The following EPB41L3 variants were observed in gnomAD, a reference collection of about 807,000 sequenced individuals.
The protein encoded by EPB41L3 is band 4.1-like protein 3.
A neutral mutation model predicts 127.1 loss-of-function variants in EPB41L3; 57 were observed. The ratio of observed to expected loss-of-function variants is 0.45; its 90% CI spans 0.36 to 0.56. The LOEUF is 0.56. Ranked by LOEUF, EPB41L3 falls within the 20% of genes least tolerant of loss-of-function variation. The probability of loss-of-function intolerance (pLI) is 0.00; values close to 1 mark genes in which losing one functional copy is unlikely to be tolerated. For synonymous variants in EPB41L3, 572 were observed against 549.5 expected (o/e 1.04, Z -0.57); for missense variants, 1,273 against 1,372.2 (o/e 0.93, Z 1.14).
Position 5,415,936 on chromosome 18 carries a change from A to G in EPB41L3, c.1949T>C (p.Val650Ala), listed in dbSNP as rs757229978. The G allele has an allele frequency of 1.2e-5, 19 of 1,613,990 alleles. No individual in the cohort carries two copies. Among genetic ancestry groups the G allele is most frequent in the Admixed American group, 8.3e-5 (5 of 60,006 alleles). ...GAAGGAGAGAGTGAGAGCGTATGGC[A>G]CTGAGAAGGAGGCAGACAGCAGAAA... is the stretch of plus-strand genomic sequence containing the variant. ...FFFLLSASFSVPYALTLSFPL... is the reference protein window; with the variant it reads ...FFFLLSASFSAPYALTLSFPL... Residue 650 changes from valine (V) to alanine (A), a missense_variant, in exon 13 of 23, where the codon GTG becomes GCG. By Grantham distance (64) the Val-to-Ala change is moderately conservative. Transcript: ENST00000341928.
intron 1 of EPB41L3, among the ~76,000 whole-genome samples, chr18:5,628,356 G>C (rs1457151696): frequency 6.6e-6 from 1 of 152,258 alleles, no homozygotes; most frequent in Non-Finnish European, 1.5e-5. Context: ...TCGCACTTCA[G>C]AGGGAATTAC....
At chr18:5,597,216 G>A (rs938174309) in intron 3 of EPB41L3, among the ~76,000 whole-genome samples, 1 of 152,046 alleles carries the variant, frequency 6.6e-6, no homozygotes, top group Non-Finnish European at 1.5e-5. Flanking sequence ...GTGCCTTTTG[G>A]TTTTTGCTCC....
At chr18:5,424,097 T>G (rs548611243) in intron 10 of EPB41L3, among the ~76,000 whole-genome samples, 165 bp downstream of exon 10, 1 of 152,178 alleles carries the variant, frequency 6.6e-6, no homozygotes, top group Non-Finnish European at 1.5e-5. Context: ...ATCCTTCAAA[T>G]TTAGTCTTTT....
intron 4 of EPB41L3, 67 bp downstream of exon 4, chr18:5,445,073 C>T: frequency 8.6e-7 from 1 of 1,168,806 alleles, no homozygotes; most frequent in Non-Finnish European, 1.3e-6. Context: ...CATTCAGTTT[C>T]AGTTCACTTT....
At chr18:5,399,244 T>C (rs1457755683) in intron 16 of EPB41L3, 9 of 398,970 alleles carry the variant, frequency 2.3e-5, no homozygotes, top group Middle Eastern at 6.2e-4. Context: ...TGCATTTTAA[T>C]AGTGCCAGAT....
At chr18:5,503,035 ATGGT>A (rs1440220416) in intron 1 of EPB41L3, among the ~76,000 whole-genome samples, 3 of 152,206 alleles carry the variant, frequency 2.0e-5, no homozygotes, top group Non-Finnish European at 2.9e-5. Flanking sequence ...TCACCTCTGG[ATGGT>A]TGACTCACTT....
intron 3 of EPB41L3, among the ~76,000 whole-genome samples, chr18:5,607,250 G>A (rs2094668908): frequency 6.6e-6 from 1 of 152,138 alleles, no homozygotes; most frequent in Admixed American, 6.6e-5. Context: ...TAGAAGATGG[G>A]ATAAAGATGT....
chr18:5,619,930 G>A (rs2094841362), intron 1 of EPB41L3, among the ~76,000 whole-genome samples: 1 of 152,142 alleles, frequency 6.6e-6, no homozygotes, highest in African/African-American at 2.4e-5. Flanking sequence ...ATTGTTATTA[G>A]ATCAATGTGA....
intron 3 of EPB41L3, among the ~76,000 whole-genome samples, chr18:5,578,954 C>A (rs2094364065): frequency 6.6e-6 from 1 of 152,156 alleles, no homozygotes; most frequent in Non-Finnish European, 1.5e-5. Context: ...CAGTTACCTT[C>A]AACAGTGCTG....
At chr18:5,500,963 G>A (rs887211697) in intron 1 of EPB41L3, among the ~76,000 whole-genome samples, 4 of 152,202 alleles carry the variant, frequency 2.6e-5, no homozygotes, top group Admixed American at 2.0e-4. Flanking sequence ...CTGTAAGAAC[G>A]TGTGGTGAGA....
Position 5,392,777 on chromosome 18 carries a change from TTG to T in EPB41L3, c.*706_*707del, listed in dbSNP as rs1227278467. The T allele has an allele frequency of 3.9e-5, 6 of 152,502 alleles. No individual in the cohort carries two copies. The highest frequency in any genetic ancestry group is 3.3e-4 in the Admixed American group (5 of 15,304). The allele number at this position is 152,502 out of a possible 1,614,324, so 9.4% of individuals were successfully genotyped here. On this transcript the variant is annotated 3_prime_UTR_variant, in exon 23 of 23. Transcript: ENST00000341928. ...ATAATGACAATTTAAGCTCTCTGGA[TTG>T]AACACAGACCAAAGCAAACAACAAG...
intron 18 of EPB41L3, 62 bp from the exon 19 acceptor site, chr18:5,396,394 C>T (rs2073471602): frequency 1.3e-6 from 2 of 1,596,718 alleles, no homozygotes; most frequent in Non-Finnish European, 8.6e-7. Context: ...TTGTTTTCTT[C>T]CTTTTCCTCT....
chr18:5,404,697 C>G (rs187797982), intron 16 of EPB41L3, among the ~76,000 whole-genome samples: 1 of 152,202 alleles, frequency 6.6e-6, no homozygotes, highest in Non-Finnish European at 1.5e-5. Flanking sequence ...CCTTTAAATT[C>G]TCTAAGTTGT....
chr18:5,510,538 G>C (rs1174083244), intron 1 of EPB41L3, among the ~76,000 whole-genome samples: 1 of 152,192 alleles, frequency 6.6e-6, no homozygotes, highest in African/African-American at 2.4e-5. Flanking sequence ...GAACAAACCA[G>C]TAGTTCAGCA....
At chr18:5,455,121 T>C (rs1363793772) in intron 3 of EPB41L3, among the ~76,000 whole-genome samples, 8 of 152,176 alleles carry the variant, frequency 5.3e-5, no homozygotes, top group Non-Finnish European at 4.4e-5. Context: ...ATTGCCTAAC[T>C]CATGGGAAGC....
chr18:5,536,718 AGGAGACTCGCTTGAACCTG>A (rs1464288906), intron 1 of EPB41L3, among the ~76,000 whole-genome samples: 7 of 151,806 alleles, frequency 4.6e-5, no homozygotes, highest in Non-Finnish European at 1.0e-4. Context: ...AGGCTGAGGC[AGGAGACTCGCTTGAACCTG>A]GGAGGCTCAC....
intron 13 of EPB41L3, among the ~76,000 whole-genome samples, chr18:5,413,874 T>C (rs1164005526): frequency 6.6e-6 from 1 of 152,198 alleles, no homozygotes; most frequent in African/African-American, 2.4e-5. Context: ...CAATCACACG[T>C]TCGCTAGCTT....
At chr18:5,447,930 T>G (rs1056705320) in intron 3 of EPB41L3, among the ~76,000 whole-genome samples, 2 of 151,964 alleles carry the variant, frequency 1.3e-5, no homozygotes, top group African/African-American at 4.8e-5. Context: ...CACTGAAGAT[T>G]TTTTTTTTCT....
chr18:5,605,922 G>C (rs1301728415), intron 3 of EPB41L3, among the ~76,000 whole-genome samples: 1 of 152,152 alleles, frequency 6.6e-6, no homozygotes, highest in African/African-American at 2.4e-5. Context: ...ACGAAGTAAG[G>C]AGTTGGAGGC....
Sources: gnomAD v4.1 joint callset for allele counts (sites outside exome capture counted in the v4.1 genomes callset) on GRCh38, gnomAD v4.1.1 for gene constraint, MANE v1.5 for transcripts, NCBI Gene and HGNC (gene_info 2026-07-23, HGNC 2026-07-21) for gene names.